The following CSPP1 variants were observed in gnomAD, a reference collection of about 807,000 sequenced individuals.
The protein encoded by CSPP1 is centrosome and spindle pole-associated protein 1.
CSPP1 carries 126 observed loss-of-function variants against 164.4 expected under a neutral mutation model. The observed-to-expected ratio is 0.77, with a 90% CI of 0.66 to 0.89. The LOEUF is 0.89. Ranked by LOEUF, CSPP1 falls within the 40% of genes least tolerant of loss-of-function variation. CSPP1 has a pLI of 0.00. For missense variants in CSPP1, 1,395 were observed against 1,449.8 expected (o/e 0.96, Z 0.61); for synonymous variants, 472 against 476.7 (o/e 0.99, Z 0.13).
intron 18 of CSPP1, among the ~76,000 whole-genome samples, chr8:67,153,178 G>C (rs577797830): frequency 3.3e-5 from 5 of 152,100 alleles, no homozygotes; most frequent in African/African-American, 9.6e-5. Flanking sequence ...CTCCAGCCTG[G>C]GTGACAGAGC....
intron 24 of CSPP1, among the ~76,000 whole-genome samples, chr8:67,171,291 C>G (rs1017371709): frequency 2.2e-4 from 33 of 151,534 alleles, no homozygotes; most frequent in African/African-American, 7.5e-4. Context: ...GTCCCAGCTA[C>G]TCAGGAGGCT....
chr8:67,173,992 T>A (rs530982116), intron 25 of CSPP1: 1 of 152,318 alleles, frequency 6.6e-6, no homozygotes, highest in Non-Finnish European at 1.5e-5. Context: ...GTTTTAGGAA[T>A]CTCTTAGTTT....
At chr8:67,129,878 A>C (rs1373086388) in intron 15 of CSPP1, among the ~76,000 whole-genome samples, 1 of 152,216 alleles carries the variant, frequency 6.6e-6, no homozygotes, top group African/African-American at 2.4e-5. Context: ...ATGGCTATGA[A>C]GGATATTTTT....
intron 15 of CSPP1, among the ~76,000 whole-genome samples, chr8:67,120,818 T>C (rs1189786491): frequency 6.6e-6 from 1 of 152,008 alleles, no homozygotes; most frequent in Non-Finnish European, 1.5e-5. Flanking sequence ...ATTTTACTTT[T>C]TCTTTCTGAT....
intron 27 of CSPP1, among the ~76,000 whole-genome samples, chr8:67,179,364 T>G (rs1297971717): frequency 3.9e-5 from 6 of 152,212 alleles, no homozygotes; most frequent in African/African-American, 1.4e-4. Context: ...CCCATGACAC[T>G]GTGATCTACT....
intron 15 of CSPP1, among the ~76,000 whole-genome samples, chr8:67,122,091 G>C (rs1359369534): frequency 6.6e-6 from 1 of 151,148 alleles, no homozygotes; most frequent in Non-Finnish European, 1.5e-5. Context: ...CAGAATTCCT[G>C]ATTTTAATAG....
At position 67,154,135 on chromosome 8, in the gene CSPP1, A is replaced by T. The variant is rs2129559079; in HGVS notation, c.2240A>T (p.Gln747Leu). The T allele has an allele frequency of 1.4e-6, 2 of 1,379,490 alleles. No individual in the cohort carries two copies. The highest frequency in any genetic ancestry group is 2.1e-6 in the Non-Finnish European group (2 of 968,498). The allele number at this position is 1,379,490 out of a possible 1,614,324, so 85.5% of individuals were successfully genotyped here. A position where few individuals can be genotyped will look rare whatever the true frequency, so the allele number is the denominator to read the frequency against. Residue 747 changes from glutamine to leucine, a missense_variant and splice_region_variant, in exon 19 of 31, where the codon CAG becomes CTG. Gln to Leu is a moderately radical substitution (Grantham distance 113, BLOSUM62 -2). Coordinates refer to ENST00000678616, the MANE Select transcript of CSPP1 (RefSeq NM_001382391.1). ...QELYKNFLRF[Q>L]IEEKKQREEA... ...TTATACAAGAATTTTCTTCGTTTCC[A>T]GGTGAAATGCTATTTGATCAGTTTC...
At chr8:67,139,627 ATG>A (rs1188381749) in intron 17 of CSPP1, among the ~76,000 whole-genome samples, 1 of 152,234 alleles carries the variant, frequency 6.6e-6, no homozygotes, top group Non-Finnish European at 1.5e-5. Flanking sequence ...GATTAAGAAA[ATG>A]TGGCACATAT....
chr8:67,110,785 T>A (rs1816688300), intron 9 of CSPP1, among the ~76,000 whole-genome samples: 1 of 152,228 alleles, frequency 6.6e-6, no homozygotes, highest in Non-Finnish European at 1.5e-5. Context: ...ATTACAATTC[T>A]GCACTACCTA....
chr8:67,153,890 T>C, intron 18 of CSPP1, 134 bp from the exon 19 acceptor site: 1 of 555,484 alleles, frequency 1.8e-6, no homozygotes, highest in South Asian at 2.4e-5. Context: ...AATCTCAACC[T>C]TCCCCTTCTG....
chr8:67,072,610 C>T (rs772071951), intron 1 of CSPP1, among the ~76,000 whole-genome samples: 1 of 151,824 alleles, frequency 6.6e-6, no homozygotes, highest in Non-Finnish European at 1.5e-5. Context: ...GCAGGAGGAT[C>T]ACTTGAGTCC....
At chr8:67,100,718 T>C (rs1017696293) in intron 7 of CSPP1, among the ~76,000 whole-genome samples, 3 of 151,020 alleles carry the variant, frequency 2.0e-5, no homozygotes, top group Admixed American at 6.6e-5. Flanking sequence ...TAGCTGGGAC[T>C]ATAGGCATGA....
chr8:67,175,197 T>G, intron 25 of CSPP1, 99 bp from the exon 26 acceptor site: 1 of 854,268 alleles, frequency 1.2e-6, no homozygotes, highest in Admixed American at 2.3e-5. Context: ...TTTCCTTGAT[T>G]TTGAAATTAG....
At chr8:67,194,808 TAAAG>T (rs1188238008) in intron 30 of CSPP1, among the ~76,000 whole-genome samples, 1 of 152,114 alleles carries the variant, frequency 6.6e-6, no homozygotes, top group Admixed American at 6.5e-5. Flanking sequence ...CAGATTCAAT[TAAAG>T]AATGAAGCAA....
chr8:67,155,824 G>A (rs1286754637), intron 19 of CSPP1, among the ~76,000 whole-genome samples: 1 of 152,046 alleles, frequency 6.6e-6, no homozygotes, highest in African/African-American at 2.4e-5. Context: ...AATAATAGAG[G>A]ATTAAAAAGA....
intron 15 of CSPP1, among the ~76,000 whole-genome samples, chr8:67,122,424 G>A (rs1159639846): frequency 6.6e-6 from 1 of 151,960 alleles, no homozygotes; most frequent in Non-Finnish European, 1.5e-5. Flanking sequence ...GTTTTGGTAT[G>A]TTGTCTTTTC....
chr8:67,132,213 G>C (rs1344085832), intron 16 of CSPP1, 133 bp downstream of exon 16: 1 of 933,720 alleles, frequency 1.1e-6, no homozygotes, highest in Non-Finnish European at 1.6e-6. Context: ...TTTTGAAGTG[G>C]ATACAGTAAA....
rs1308996672 is a variant in CSPP1 at position 67,196,471 on chromosome 8, A to C, written c.*878A>C. On this transcript the variant is annotated 3_prime_UTR_variant, in exon 31 of 31. Coordinates refer to ENST00000678616, the MANE Select transcript of CSPP1 (RefSeq NM_001382391.1). ...TCATTCAAATAATTGTGACATTCTG[A>C]CTCAGATTAGAATCTCAGAACCATG... 6.6e-6 allele frequency among the ~76,000 whole-genome samples: 1 copy of C among 152,128 alleles called. No homozygotes were observed. Among genetic ancestry groups the C allele is most frequent in the Non-Finnish European group, 1.5e-5 (1 of 68,020 alleles).
intron 6 of CSPP1, among the ~76,000 whole-genome samples, chr8:67,094,745 TA>T (rs1220687466): frequency 1.3e-5 from 2 of 152,154 alleles, no homozygotes; most frequent in Non-Finnish European, 2.9e-5. Flanking sequence ...TTAGAATATG[TA>T]AACCACAATC....
Sources: allele counts gnomAD v4.1 joint callset (sites outside exome capture counted in the v4.1 genomes callset), GRCh38; gene constraint gnomAD v4.1.1; transcripts MANE v1.5; gene names NCBI Gene and HGNC (gene_info 2026-07-23, HGNC 2026-07-21).